AKAP6: variants seen among roughly 807,000 people sequenced by gnomAD.
AKAP6 encodes the protein A-kinase anchoring protein 6.
In AKAP6, 58 loss-of-function variants were observed where a neutral mutation model predicts 188.5. The observed-to-expected ratio is 0.31, with a 90% confidence interval of 0.25 to 0.38. The LOEUF (loss-of-function observed/expected upper bound fraction) is 0.38. AKAP6 is among the 10% of genes least tolerant of loss of function. The pLI is 1.00. For synonymous variants in AKAP6, 989 were observed against 998.6 expected (o/e 0.99, Z 0.18); for missense variants, 2,710 against 2,740.0 (o/e 0.99, Z 0.24).
rs1187713393 is a variant in AKAP6, at chr14:32,484,917, A to C, written c.325-50637A>C. On this transcript the variant is annotated intron_variant, in intron 2 of 13. Transcript: ENST00000280979. ...TTCATATTGAATTGCAAATTCGAAG[A>C]AGCAGCTTCAAACCTGGCGGGGCTT... 6 of 219,732 alleles carry C rather than the reference A, an allele frequency of 2.7e-5. 3 individuals carry two copies. The highest frequency in any genetic ancestry group is 4.0e-5 in the Non-Finnish European group (6 of 150,666). The allele number at this position is 219,732 out of a possible 1,614,324, so 13.6% of individuals were successfully genotyped here. A position where few individuals can be genotyped will look rare whatever the true frequency, so the allele number is the denominator to read the frequency against.
chr14:32,553,792 C>T (rs2139183268), intron 4 of AKAP6, among the ~76,000 whole-genome samples: 2 of 152,292 alleles, frequency 1.3e-5, no homozygotes, highest in Middle Eastern at 6.8e-3. Context: ...TGTTCCCAAT[C>T]TTTTTCTGAG....
At chr14:32,807,959 G>A (rs576118601) in intron 12 of AKAP6, among the ~76,000 whole-genome samples, 1 of 152,300 alleles carries the variant, frequency 6.6e-6, no homozygotes, top group South Asian at 2.1e-4. Context: ...AAGATTAAAG[G>A]ACTAGAAGCT....
chr14:32,834,672 A>G lies in AKAP6; in HGVS notation c.*4867A>G, dbSNP rs927353223. On this transcript the variant is annotated 3_prime_UTR_variant, in exon 14 of 14. Transcript: ENST00000280979. ...AATGATCCACAATCTTGATGGGTCTAGTTGTTTTCTCATTGTTAAACTCAG... is the reference window on the plus strand; with the variant it reads ...AATGATCCACAATCTTGATGGGTCTGGTTGTTTTCTCATTGTTAAACTCAG... 5 of 151,504 alleles carry G rather than the reference A, an allele frequency of 3.3e-5. No homozygotes were observed. Among genetic ancestry groups the G allele is most frequent in the African/African-American group, 4.9e-5 (2 of 41,206 alleles). 9.4% of individuals were successfully genotyped at this position (151,504 alleles called of 1,614,324 possible).
intron 12 of AKAP6, among the ~76,000 whole-genome samples, chr14:32,776,653 T>G (rs2033075822): frequency 6.6e-6 from 1 of 152,212 alleles, no homozygotes; most frequent in Non-Finnish European, 1.5e-5. Context: ...TTTGTTTCAT[T>G]CTGGCATTTG....
At chr14:32,701,469 T>A (rs562960275) in intron 9 of AKAP6, among the ~76,000 whole-genome samples, 1 of 152,190 alleles carries the variant, frequency 6.6e-6, no homozygotes, top group African/African-American at 2.4e-5. Context: ...GTGAAAACAT[T>A]TTCTTTTAGG....
At chr14:32,501,600 G>A (rs141703443) in intron 2 of AKAP6, among the ~76,000 whole-genome samples, 28 of 152,210 alleles carry the variant, frequency 1.8e-4, no homozygotes, top group African/African-American at 6.5e-4. Flanking sequence ...TAGGTTTGGC[G>A]AGTACAGAGT....
At chr14:32,590,471 C>T (rs146043366) in intron 5 of AKAP6, among the ~76,000 whole-genome samples, 17 of 152,094 alleles carry the variant, frequency 1.1e-4, no homozygotes, top group African/African-American at 3.9e-4. Flanking sequence ...CAAAACTAAA[C>T]AAACAAACAA....
At chr14:32,582,091 G>A (rs571854752) in intron 5 of AKAP6, among the ~76,000 whole-genome samples, 103 of 150,850 alleles carry the variant, frequency 6.8e-4, no homozygotes, top group South Asian at 5.9e-3. Flanking sequence ...TCCTAGCCTC[G>A]ATGGTCTTTA....
chr14:32,495,530 A>C (rs1251202381), intron 2 of AKAP6: 2 of 152,204 alleles, frequency 1.3e-5, no homozygotes, highest in Non-Finnish European at 2.9e-5. Flanking sequence ...GTTAGTGGAC[A>C]CTGCTTCACT....
chr14:32,749,565 C>T (rs1316306467), intron 11 of AKAP6, among the ~76,000 whole-genome samples: 1 of 152,084 alleles, frequency 6.6e-6, no homozygotes, highest in Non-Finnish European at 1.5e-5. Flanking sequence ...AAAAAGTCTT[C>T]CCATTTATGA....
intron 12 of AKAP6, among the ~76,000 whole-genome samples, chr14:32,816,873 C>T (rs1165875852): frequency 6.6e-6 from 1 of 152,054 alleles, no homozygotes; most frequent in African/African-American, 2.4e-5. Context: ...TGGTACTGCC[C>T]AATAAACTCC....
At chr14:32,388,117 T>C (rs1888593414) in intron 1 of AKAP6, among the ~76,000 whole-genome samples, 1 of 152,244 alleles carries the variant, frequency 6.6e-6, no homozygotes, top group East Asian at 1.9e-4. Flanking sequence ...TTCTAGGTTT[T>C]CTAGTTTATG....
chr14:32,670,385 C>T (rs1201584380), intron 7 of AKAP6, among the ~76,000 whole-genome samples: 2 of 151,898 alleles, frequency 1.3e-5, no homozygotes. Context: ...GGTCTTGAGA[C>T]CTGAAGGTCT....
chr14:32,779,156 G>A (rs1407134972), intron 12 of AKAP6, among the ~76,000 whole-genome samples: 1 of 152,016 alleles, frequency 6.6e-6, no homozygotes, highest in East Asian at 1.9e-4. Context: ...AGCACTTTGG[G>A]AGGCTGAGGC....
chr14:32,433,322 C>G (rs759395622), intron 1 of AKAP6, 138 bp from the exon 2 acceptor site: 5 of 639,104 alleles, frequency 7.8e-6, no homozygotes, highest in Non-Finnish European at 1.3e-5. Context: ...ACACCTCTTT[C>G]TGTTTTTGTT....
chr14:32,633,895 T>C (rs1212408940), intron 7 of AKAP6, among the ~76,000 whole-genome samples: 1 of 152,106 alleles, frequency 6.6e-6, no homozygotes, highest in African/African-American at 2.4e-5. Context: ...TCCAATATCG[T>C]TCGTGTCACA....
At chr14:32,649,891 T>C (rs1288881516) in intron 7 of AKAP6, among the ~76,000 whole-genome samples, 1 of 152,172 alleles carries the variant, frequency 6.6e-6, no homozygotes, top group Admixed American at 6.6e-5. Flanking sequence ...AAGATTGTGT[T>C]GTAGAGGAAA....
intron 7 of AKAP6, among the ~76,000 whole-genome samples, chr14:32,615,460 T>C (rs1397128217): frequency 6.6e-6 from 1 of 151,794 alleles, no homozygotes; most frequent in Non-Finnish European, 1.5e-5. Context: ...TTTCTGTTAT[T>C]AGGGACAAAA....
Position 32,694,340 on chromosome 14 carries a change from A to G in AKAP6, c.2880-1650A>G, listed in dbSNP as rs921926517. 6.7e-5 allele frequency among the ~76,000 whole-genome samples: 10 copies of G among 150,180 alleles called. No individual in the cohort carries two copies. The East Asian group carries it at 1.4e-3, about 21-fold the overall frequency. On this transcript the variant is annotated intron_variant, in intron 8 of 13. Transcript: ENST00000280979. The stretch of plus-strand genomic sequence containing the variant: ...TGTGCCACTGCACTTCAGCCTGGAT[A>G]ACAGAGTGAGACTCCGTCTCAAAAA...
Sources: gnomAD v4.1 joint callset for allele counts (sites outside exome capture counted in the v4.1 genomes callset) on GRCh38, gnomAD v4.1.1 for gene constraint, MANE v1.5 for transcripts, NCBI Gene and HGNC (gene_info 2026-07-23, HGNC 2026-07-21) for gene names.